The following SFXN5 variants were observed in gnomAD, a reference collection of about 807,000 sequenced individuals.
SFXN5 encodes the protein sideroflexin 5.
A neutral mutation model predicts 50.2 loss-of-function variants in SFXN5; 43 were observed. That is an observed-to-expected ratio of 0.86 (90% CI 0.67 to 1.11). The LOEUF (loss-of-function observed/expected upper bound fraction) is 1.11. Ranked by LOEUF, SFXN5 falls within the 50% of genes least tolerant of loss-of-function variation. The probability of loss-of-function intolerance (pLI) is 0.00; values close to 1 mark genes in which losing one functional copy is unlikely to be tolerated. For missense variants in SFXN5, 463 were observed against 454.1 expected, an observed-to-expected ratio of 1.02 and a Z score of -0.18; for synonymous variants, 203 against 185.8, an observed-to-expected ratio of 1.09 and a Z score of -0.75.
At chr2:72,964,702 C>G (rs534192597) in intron 12 of SFXN5, among the ~76,000 whole-genome samples, 1 of 152,338 alleles carries the variant, frequency 6.6e-6, no homozygotes, top group East Asian at 1.9e-4. Flanking sequence ...TGGGGGAACC[C>G]GGGCTGAACT....
At chr2:72,947,024 C>G (rs1375425601) in intron 13 of SFXN5, among the ~76,000 whole-genome samples, 1 of 152,232 alleles carries the variant, frequency 6.6e-6, no homozygotes, top group African/African-American at 2.4e-5. Context: ...CCTGCCCCTA[C>G]TCTGCTCTCC....
chr2:73,002,582 T>C (rs1674038233), intron 6 of SFXN5, among the ~76,000 whole-genome samples: 1 of 152,210 alleles, frequency 6.6e-6, no homozygotes, highest in Non-Finnish European at 1.5e-5. Context: ...GGAACAAGTA[T>C]AAACACTCAA....
At chr2:73,062,227 G>A (rs995665041) in intron 1 of SFXN5, among the ~76,000 whole-genome samples, 2 of 152,120 alleles carry the variant, frequency 1.3e-5, no homozygotes, top group African/African-American at 4.8e-5. Flanking sequence ...TCCCTGGCTC[G>A]AAGTCTCCTT....
At chr2:72,981,692 G>A (rs1177229305) in intron 10 of SFXN5, among the ~76,000 whole-genome samples, 1 of 152,180 alleles carries the variant, frequency 6.6e-6, no homozygotes, top group Admixed American at 6.5e-5. Context: ...ACACACAGCA[G>A]GGGCCCATGC....
chr2:73,049,396 T>C (rs1479168523), intron 2 of SFXN5: 1 of 152,256 alleles, frequency 6.6e-6, no homozygotes, highest in Admixed American at 6.6e-5. Context: ...GGACTATAGG[T>C]GCATGCCACG....
intron 3 of SFXN5, among the ~76,000 whole-genome samples, chr2:73,025,187 CCT>C (rs767526641): frequency 3.9e-5 from 6 of 152,140 alleles, no homozygotes; most frequent in African/African-American, 9.6e-5. Context: ...CTGATCGTCC[CCT>C]CTTTGCTCAG....
intron 13 of SFXN5, among the ~76,000 whole-genome samples, chr2:72,948,608 C>T (rs1445216844): frequency 6.6e-6 from 1 of 152,240 alleles, no homozygotes; most frequent in Non-Finnish European, 1.5e-5. Context: ...CCCAGGGCCA[C>T]GGCCCACTGT....
chr2:73,016,782 C>A (rs1231066061), intron 6 of SFXN5, among the ~76,000 whole-genome samples: 2 of 152,086 alleles, frequency 1.3e-5, no homozygotes, highest in African/African-American at 4.8e-5. Flanking sequence ...AAAGGGTGTA[C>A]GGATGCTTCT....
intron 6 of SFXN5, among the ~76,000 whole-genome samples, chr2:73,002,017 C>T (rs1673980926): frequency 6.6e-6 from 1 of 152,180 alleles, no homozygotes; most frequent in African/African-American, 2.4e-5. Context: ...CCTTCGTTTC[C>T]ACTCAGGTTA....
At chr2:73,070,029 G>C (rs918173397) in intron 1 of SFXN5, among the ~76,000 whole-genome samples, 1 of 152,208 alleles carries the variant, frequency 6.6e-6, no homozygotes, top group East Asian at 1.9e-4. Flanking sequence ...ATGAGGATCT[G>C]ACTCAGGTGG....
intron 3 of SFXN5, among the ~76,000 whole-genome samples, chr2:73,026,460 G>A (rs894744143): frequency 3.9e-5 from 6 of 152,030 alleles, no homozygotes; most frequent in African/African-American, 1.4e-4. Flanking sequence ...TGCCACCTAA[G>A]GACATTTTGG....
At chr2:72,968,117 A>G (rs1459529688) in intron 12 of SFXN5, among the ~76,000 whole-genome samples, 1 of 135,478 alleles carries the variant, frequency 7.4e-6, no homozygotes, top group Non-Finnish European at 1.5e-5. Flanking sequence ...GTGAGCACAC[A>G]TGAAAACACA....
At chr2:73,056,344 T>C (rs1317798277) in intron 2 of SFXN5, among the ~76,000 whole-genome samples, 2 of 150,930 alleles carry the variant, frequency 1.3e-5, no homozygotes. Context: ...ATCGTGCCAT[T>C]ACACTCCAGC....
intron 6 of SFXN5, among the ~76,000 whole-genome samples, chr2:73,004,542 G>A (rs555571620): frequency 7.2e-5 from 11 of 152,192 alleles, no homozygotes; most frequent in Non-Finnish European, 1.3e-4. Context: ...TAACGAAGGC[G>A]GAGGTAGGAG....
chr2:73,004,667 A>G (rs1440164260), intron 6 of SFXN5, among the ~76,000 whole-genome samples: 1 of 151,932 alleles, frequency 6.6e-6, no homozygotes, highest in Non-Finnish European at 1.5e-5. Context: ...TGAGGTTAGA[A>G]GACAGGAACA....
At chr2:72,971,772 A>T in intron 10 of SFXN5, 87 bp from the exon 11 acceptor site, 1 of 999,438 alleles carries the variant, frequency 1.0e-6, no homozygotes, top group African/African-American at 1.6e-5. Flanking sequence ...TTCCTACGCA[A>T]GCCTTGGGGT....
In SFXN5 at chr2:72,978,831, C is replaced by T. The variant is rs553175848; in HGVS notation, c.626-7146G>A. On this transcript the variant is annotated intron_variant, in intron 10 of 13. Coordinates refer to ENST00000272433, the MANE Select transcript of SFXN5 (RefSeq NM_144579.3). Reference sequence around the variant, plus strand: ...CCCAGATCTGTTTTTTTTTTAAATTCCCCAGGTGATTATAATACAGATGAA... The same window carrying T: ...CCCAGATCTGTTTTTTTTTTAAATTTCCCAGGTGATTATAATACAGATGAA... 8.1e-4 allele frequency among the ~76,000 whole-genome samples: 123 copies of T among 151,812 alleles called. 1 individual carries two copies. The highest frequency in any genetic ancestry group is 1.0e-3 in the African/African-American group (42 of 41,414).
intron 6 of SFXN5, among the ~76,000 whole-genome samples, chr2:73,013,933 G>C (rs997049508): frequency 7.9e-5 from 12 of 152,194 alleles, no homozygotes; most frequent in African/African-American, 2.4e-4. Flanking sequence ...TTTTAAGGAT[G>C]CATTAAAAAT....
intron 10 of SFXN5, among the ~76,000 whole-genome samples, chr2:72,983,170 C>T (rs1671523648): frequency 6.6e-6 from 1 of 152,088 alleles, no homozygotes; most frequent in Admixed American, 6.5e-5. Context: ...AGCAGTGGAG[C>T]AAAGAGGGGT....
Sources: gnomAD v4.1 joint callset for allele counts (sites outside exome capture counted in the v4.1 genomes callset) on GRCh38, gnomAD v4.1.1 for gene constraint, MANE v1.5 for transcripts, NCBI Gene and HGNC (gene_info 2026-07-23, HGNC 2026-07-21) for gene names.